Variants in GRIN3A observed in about 807,000 individuals in gnomAD.
The protein encoded by GRIN3A is glutamate ionotropic receptor NMDA type subunit 3A, also known as glutamate receptor ionotropic, NMDA 3A.
Under a neutral mutation model 92.4 loss-of-function variants are expected in GRIN3A, and 47 were observed. The ratio of observed to expected loss-of-function variants is 0.51; its 90% CI spans 0.40 to 0.65. The LOEUF is 0.65. GRIN3A is among the 30% of genes least tolerant of loss of function. GRIN3A has a pLI of 0.00. For synonymous variants in GRIN3A, 527 were observed against 540.6 expected (o/e 0.97, Z 0.35); for missense variants, 1,324 against 1,393.1 (o/e 0.95, Z 0.79).
chr9:101,575,812 G>T (rs16920504), intron 8 of GRIN3A, among the ~76,000 whole-genome samples: 22,753 of 152,130 alleles, frequency 0.15, 2,264 homozygotes, highest in East Asian at 0.36. Context: ...CCCTACAATG[G>T]TTCATAGCAG....
chr9:101,730,286 C>G (rs982992982), intron 1 of GRIN3A, among the ~76,000 whole-genome samples: 10 of 152,202 alleles, frequency 6.6e-5, no homozygotes, highest in Admixed American at 2.6e-4. Flanking sequence ...GCTGGAAGTC[C>G]TAAGCCTGAA....
At chr9:101,623,846 G>A (rs1284608478) in intron 4 of GRIN3A, among the ~76,000 whole-genome samples, 1 of 152,210 alleles carries the variant, frequency 6.6e-6, no homozygotes, top group Non-Finnish European at 1.5e-5. Flanking sequence ...AACAGATGAG[G>A]AAATTGAGGC....
At chr9:101,637,012 T>C (rs971070347) in intron 3 of GRIN3A, among the ~76,000 whole-genome samples, 8 of 152,240 alleles carry the variant, frequency 5.3e-5, no homozygotes, top group Admixed American at 3.9e-4. Flanking sequence ...ATTCAACTTC[T>C]AGCAATCTTA....
intron 3 of GRIN3A, among the ~76,000 whole-genome samples, chr9:101,628,998 T>C (rs1311590495): frequency 6.6e-6 from 1 of 152,152 alleles, no homozygotes; most frequent in Non-Finnish European, 1.5e-5. Flanking sequence ...CTAAAAATGA[T>C]TAAGAACTCA....
intron 6 of GRIN3A, among the ~76,000 whole-genome samples, chr9:101,595,380 CG>C (rs1163216072): frequency 3.3e-5 from 5 of 150,538 alleles, no homozygotes; most frequent in Non-Finnish European, 7.4e-5. Context: ...CTGTGTTATT[CG>C]CTGCAGTATC....
rs558493179 is a variant in GRIN3A, at chr9:101,730,155, A to G, written c.699+7126T>C. Among the ~76,000 whole-genome samples, 11 of 152,242 alleles carry G rather than the reference A, an allele frequency of 7.2e-5. No individual in the cohort carries two copies. The South Asian group carries it at 1.2e-3, about 17-fold the overall frequency. On this transcript the variant is annotated intron_variant, in intron 1 of 8. Transcript: ENST00000361820. ...TAGGTAAAACTGGACTTCAAAGTTC[A>G]CTTCTTTGCTGACCTACTTTGCACA...
intron 1 of GRIN3A, among the ~76,000 whole-genome samples, chr9:101,688,285 C>G (rs1405738496): frequency 1.3e-5 from 2 of 152,170 alleles, no homozygotes; most frequent in African/African-American, 4.8e-5. Context: ...GCACTTTAAA[C>G]TCTCTGAAGG....
intron 6 of GRIN3A, among the ~76,000 whole-genome samples, chr9:101,601,310 C>T (rs73507300): frequency 3.3e-5 from 5 of 151,968 alleles, no homozygotes; most frequent in African/African-American, 4.8e-5. Context: ...GGAAAGCACA[C>T]GTTTTATCAA....
chr9:101,669,973 G>C (rs901668406), intron 3 of GRIN3A, 87 bp downstream of exon 3: 16 of 1,025,336 alleles, frequency 1.6e-5, no homozygotes, highest in Non-Finnish European at 2.3e-5. Context: ...GTGTTAGATG[G>C]AAGAACATGA....
intron 3 of GRIN3A, among the ~76,000 whole-genome samples, chr9:101,630,019 C>T (rs2118881525): frequency 6.6e-6 from 1 of 152,212 alleles, no homozygotes; most frequent in East Asian, 1.9e-4. Flanking sequence ...TGCCTTGAAC[C>T]CCCGGGGCTG....
chr9:101,629,847 G>A (rs1439728278), intron 3 of GRIN3A, among the ~76,000 whole-genome samples: 1 of 152,174 alleles, frequency 6.6e-6, no homozygotes, highest in African/African-American at 2.4e-5. Context: ...ATAAGGTCAT[G>A]CAGTTGTAAG....
chr9:101,688,757 A>G (rs886842524), intron 1 of GRIN3A, among the ~76,000 whole-genome samples: 2 of 152,134 alleles, frequency 1.3e-5, no homozygotes, highest in Non-Finnish European at 2.9e-5. Flanking sequence ...CGTCTCTACT[A>G]AAAATACAAA....
intron 6 of GRIN3A, among the ~76,000 whole-genome samples, chr9:101,595,641 G>A (rs1828115970): frequency 6.6e-6 from 1 of 152,144 alleles, no homozygotes; most frequent in Admixed American, 6.5e-5. Flanking sequence ...CAGATACCGC[G>A]CAGAATTTCT....
intron 2 of GRIN3A, among the ~76,000 whole-genome samples, chr9:101,684,615 A>T (rs1027457956): frequency 6.6e-6 from 1 of 152,188 alleles, no homozygotes; most frequent in African/African-American, 2.4e-5. Context: ...GGAAGGAAGA[A>T]CATAATTTTA....
At chr9:101,608,302 C>T (rs1341530179) in intron 6 of GRIN3A, among the ~76,000 whole-genome samples, 1 of 152,106 alleles carries the variant, frequency 6.6e-6, no homozygotes. Flanking sequence ...AATGTGGGCC[C>T]AACATTGCCT....
intron 3 of GRIN3A, among the ~76,000 whole-genome samples, chr9:101,647,358 G>T (rs1178954007): frequency 6.6e-6 from 1 of 151,874 alleles, no homozygotes; most frequent in Non-Finnish European, 1.5e-5. Context: ...TGGTCGTGGT[G>T]AATGATCTTT....
intron 3 of GRIN3A, among the ~76,000 whole-genome samples, chr9:101,653,614 C>T (rs1829040573): frequency 6.6e-6 from 1 of 151,738 alleles, no homozygotes; most frequent in Admixed American, 6.6e-5. Context: ...AATACTCACC[C>T]TAAAACCAAA....
At chr9:101,733,991 G>C in intron 1 of GRIN3A, among the ~76,000 whole-genome samples, 1 of 152,124 alleles carries the variant, frequency 6.6e-6, no homozygotes. Context: ...GTGCCACCAT[G>C]CCTGGCTGTG....
In GRIN3A at chr9:101,573,224, TC is replaced by T; in HGVS notation, c.3297del (p.Thr1101ArgfsTer17). On this transcript the variant is annotated frameshift_variant, in exon 9 of 9. Transcript: ENST00000361820. LOFTEE classifies it high-confidence loss of function. ...CTTTGATACTCCTCCAGCTCCGTTTTCCTGCTCACAGCCAGCTGCAGCTCCT... is the reference window on the plus strand; with the variant it reads ...CTTTGATACTCCTCCAGCTCCGTTTTCTGCTCACAGCCAGCTGCAGCTCCT... Reference protein sequence around the residue: ...IRQELQLAVSRKTELEEYQRT... With the variant: ...IRQELQLAVSXKTELEEYQRT... 1 of 1,614,106 alleles carries T rather than the reference TC, an allele frequency of 6.2e-7. No homozygotes were observed. Among genetic ancestry groups the T allele is most frequent in the Non-Finnish European group, 8.5e-7 (1 of 1,179,972 alleles).
Sources: allele counts gnomAD v4.1 joint callset (sites outside exome capture counted in the v4.1 genomes callset), GRCh38; gene constraint gnomAD v4.1.1; transcripts MANE v1.5; gene names NCBI Gene and HGNC (gene_info 2026-07-23, HGNC 2026-07-21).